The following DENND1A variants were observed in gnomAD, a reference collection of about 807,000 sequenced individuals.
The protein encoded by DENND1A is DENN domain containing 1A.
DENND1A carries 51 observed loss-of-function variants against 113.7 expected under a neutral mutation model. The observed-to-expected ratio is 0.45, with a 90% confidence interval of 0.36 to 0.57. The LOEUF (loss-of-function observed/expected upper bound fraction) is 0.57. Ranked by LOEUF, DENND1A falls within the 20% of genes least tolerant of loss-of-function variation. DENND1A has a pLI of 0.00. For missense variants in DENND1A, 1,258 were observed against 1,395.9 expected (o/e 0.90, Z 1.57); for synonymous variants, 565 against 570.8 (o/e 0.99, Z 0.14).
chr9:123,425,157 C>T (rs1163453333), intron 19 of DENND1A, among the ~76,000 whole-genome samples: 1 of 152,158 alleles, frequency 6.6e-6, no homozygotes, highest in Admixed American at 6.5e-5. Context: ...GTTTTATTTC[C>T]CCTTCCCTGC....
At chr9:123,424,487 C>T (rs1242526287) in intron 19 of DENND1A, among the ~76,000 whole-genome samples, 1 of 152,210 alleles carries the variant, frequency 6.6e-6, no homozygotes, top group Non-Finnish European at 1.5e-5. Flanking sequence ...CCAGCCCTGG[C>T]CTGAGCAATG....
intron 13 of DENND1A, among the ~76,000 whole-genome samples, chr9:123,469,716 C>T (rs1004124602): frequency 2.6e-5 from 4 of 152,214 alleles, no homozygotes; most frequent in Admixed American, 6.5e-5. Context: ...AAACAGCTAC[C>T]GCTTGCTGAG....
At chr9:123,451,336 G>A (rs1409553643) in intron 17 of DENND1A, among the ~76,000 whole-genome samples, 2 of 152,090 alleles carry the variant, frequency 1.3e-5, no homozygotes, top group African/African-American at 4.8e-5. Context: ...AATTAAAAAT[G>A]GAAATAAAAT....
intron 8 of DENND1A, among the ~76,000 whole-genome samples, chr9:123,654,297 A>G (rs1346718562): frequency 6.6e-6 from 1 of 152,230 alleles, no homozygotes; most frequent in East Asian, 1.9e-4. Flanking sequence ...AAGTAAAAAG[A>G]AAATAGAAAT....
chr9:123,918,378 C>T (rs1416091355), intron 1 of DENND1A, among the ~76,000 whole-genome samples: 1 of 151,718 alleles, frequency 6.6e-6, no homozygotes, highest in Non-Finnish European at 1.5e-5. Flanking sequence ...CTCCCAGCTA[C>T]TCGGGAGGCT....
intron 13 of DENND1A, among the ~76,000 whole-genome samples, chr9:123,507,209 A>C (rs2053033749): frequency 6.6e-6 from 1 of 152,188 alleles, no homozygotes; most frequent in Admixed American, 6.5e-5. Context: ...AGAAAGAAAG[A>C]AAGAAAAGAA....
chr9:123,728,568 A>G (rs1397304071), intron 5 of DENND1A, among the ~76,000 whole-genome samples: 2 of 151,456 alleles, frequency 1.3e-5, no homozygotes, highest in Non-Finnish European at 2.9e-5. Flanking sequence ...TGTCAAACCA[A>G]ATCACAGTGG....
chr9:123,433,144 A>G lies in DENND1A; in HGVS notation c.1488+7216T>C, dbSNP rs181968579. Among the ~76,000 whole-genome samples the G allele has an allele frequency of 1.6e-4, 24 of 152,362 alleles. No homozygotes were observed. The East Asian group carries it at 1.7e-3, about 11-fold the overall frequency. On this transcript the variant is annotated intron_variant, in intron 19 of 23. Transcript: ENST00000394215. ...GCGCTGAGCTCGGTACTTAAAGGCA[A>G]TATCTCATTTAATCCTTATAGCAAC...
chr9:123,796,540 TTTAA>T (rs1282894794), intron 2 of DENND1A, among the ~76,000 whole-genome samples: 1 of 152,176 alleles, frequency 6.6e-6, no homozygotes, highest in East Asian at 1.9e-4. Context: ...CTACAGAATG[TTTAA>T]TTAATAGAAT....
chr9:123,784,096 G>A (rs1372335698), intron 3 of DENND1A, among the ~76,000 whole-genome samples: 2 of 152,174 alleles, frequency 1.3e-5, no homozygotes, highest in Non-Finnish European at 2.9e-5. Flanking sequence ...ATATACAGGA[G>A]AGGAAAAGCC....
intron 9 of DENND1A, among the ~76,000 whole-genome samples, chr9:123,644,331 A>G (rs961955178): frequency 7.8e-6 from 1 of 127,574 alleles, no homozygotes; most frequent in African/African-American, 2.8e-5. Context: ...ATTCTTACAC[A>G]TTTATTCTGT....
rs899949100 is a variant in DENND1A at position 123,817,364 on chromosome 9, C to CG, written c.89-24735dup. On this transcript the variant is annotated intron_variant, in intron 2 of 23. Coordinates refer to ENST00000394215, the MANE Select transcript of DENND1A (RefSeq NM_001352964.2). Reference sequence around the variant, plus strand: ...AAGATAAATGTGTTGGTCCACACGCCGGGGGGTTTAAGGAAACAATAGACA... The same window carrying CG: ...AAGATAAATGTGTTGGTCCACACGCCGGGGGGGTTTAAGGAAACAATAGACA... Among the ~76,000 whole-genome samples the CG allele has an allele frequency of 7.9e-5, 12 of 152,136 alleles. No individual in the cohort carries two copies. In the South Asian group the frequency reaches 2.5e-3, roughly 32 times the overall value.
chr9:123,633,055 G>A (rs1448169411), intron 9 of DENND1A, among the ~76,000 whole-genome samples: 1 of 152,116 alleles, frequency 6.6e-6, no homozygotes, highest in Non-Finnish European at 1.5e-5. Flanking sequence ...CTACAGGTGT[G>A]TGCCACCATG....
rs180702993 is a variant in DENND1A at position 123,815,469 on chromosome 9, C to T, written c.89-22839G>A. Among the ~76,000 whole-genome samples the T allele has an allele frequency of 7.2e-5, 11 of 152,318 alleles. No homozygotes were observed. The East Asian group carries it at 2.1e-3, about 29-fold the overall frequency. On this transcript the variant is annotated intron_variant, in intron 2 of 23. Coordinates refer to ENST00000394215, the MANE Select transcript of DENND1A (RefSeq NM_001352964.2). ...TCAAAAATGATCAGAAGGTCAGTCA[C>T]TGCAAACAGCCACTGTGCTACAGAC... is the stretch of plus-strand genomic sequence containing the variant.
At chr9:123,403,977 C>T (rs1184722106) in intron 20 of DENND1A, among the ~76,000 whole-genome samples, 1 of 152,220 alleles carries the variant, frequency 6.6e-6, no homozygotes, top group Non-Finnish European at 1.5e-5. Context: ...TTATTTTCCT[C>T]TCTAAATAAG....
intron 2 of DENND1A, among the ~76,000 whole-genome samples, chr9:123,794,897 CCATT>C (rs1833537602): frequency 6.6e-6 from 1 of 152,060 alleles, no homozygotes; most frequent in Non-Finnish European, 1.5e-5. Context: ...AAGAAGGAGG[CCATT>C]CAAACTGTAT....
intron 11 of DENND1A, among the ~76,000 whole-genome samples, chr9:123,583,647 A>C (rs753842884): frequency 6.6e-6 from 1 of 152,188 alleles, no homozygotes; most frequent in Non-Finnish European, 1.5e-5. Flanking sequence ...CTGTGTTCTT[A>C]TGATATCCCC....
chr9:123,426,752 A>T (rs2045763270), intron 19 of DENND1A, among the ~76,000 whole-genome samples: 1 of 152,218 alleles, frequency 6.6e-6, no homozygotes, highest in African/African-American at 2.4e-5. Flanking sequence ...AAATTATTTA[A>T]AAGGTGAGAA....
intron 12 of DENND1A, among the ~76,000 whole-genome samples, chr9:123,579,390 T>A (rs900162175): frequency 1.3e-5 from 2 of 152,108 alleles, no homozygotes; most frequent in African/African-American, 2.4e-5. Flanking sequence ...TATAGGAGAA[T>A]TTTTTTGTCC....
Sources: allele counts gnomAD v4.1 joint callset (sites outside exome capture counted in the v4.1 genomes callset), GRCh38; gene constraint gnomAD v4.1.1; transcripts MANE v1.5; gene names NCBI Gene and HGNC (gene_info 2026-07-23, HGNC 2026-07-21).